The following WDR4 variants were observed in gnomAD, a reference collection of about 807,000 sequenced individuals.
The protein encoded by WDR4 is tRNA (guanine-N(7)-)-methyltransferase non-catalytic subunit WDR4.
In WDR4, 47 loss-of-function variants were observed where a neutral mutation model predicts 48.6. That is an observed-to-expected ratio of 0.97 (90% CI 0.77 to 1.23). The LOEUF (loss-of-function observed/expected upper bound fraction) is 1.23. Ranked by LOEUF, WDR4 falls within the 50% of genes most tolerant of loss-of-function variation. The pLI is 0.00. For synonymous variants in WDR4, 268 were observed against 230.0 expected (o/e 1.17, Z -1.49); for missense variants, 606 against 551.6 (o/e 1.10, Z -0.99).
intron 2 of WDR4, among the ~76,000 whole-genome samples, chr21:42,875,430 C>T (rs1236304959): frequency 6.6e-6 from 1 of 152,156 alleles, no homozygotes; most frequent in South Asian, 2.1e-4. Context: ...TGGTGCGTGC[C>T]TGTAGTCCCA....
upstream of WDR4, chr21:42,879,540 C>G: frequency 1.2e-6 from 2 of 1,605,344 alleles, no homozygotes; most frequent in Non-Finnish European, 1.7e-6. Context: ...AGCCCAGAGC[C>G]TCTTCCTGTC....
intron 3 of WDR4, among the ~76,000 whole-genome samples, chr21:42,865,370 T>C (rs371937861): frequency 9.9e-5 from 15 of 152,052 alleles, no homozygotes; most frequent in African/African-American, 3.4e-4. Flanking sequence ...AACACGACCA[T>C]GGTGGCACAG....
chr21:42,888,704 T>TC, the WDR4 span, among the ~76,000 whole-genome samples: 4 of 151,230 alleles, frequency 2.6e-5, no homozygotes, highest in African/African-American at 9.7e-5. Context: ...TTATAATTTT[T>TC]TTTTTTTTTT....
At chr21:42,878,894 G>A (rs2058562388) in intron 1 of WDR4, 1 of 932,030 alleles carries the variant, frequency 1.1e-6, no homozygotes. Flanking sequence ...CCAGGTGAGT[G>A]GATGCAGGCC....
intron 3 of WDR4, among the ~76,000 whole-genome samples, chr21:42,864,107 C>CAAA (rs776906461): frequency 7.5e-4 from 38 of 50,530 alleles, no homozygotes; most frequent in Middle Eastern, 0.012. Flanking sequence ...GACTCCGTCT[C>CAAA]AAAAAAAAAA....
chr21:42,882,381 G>A (rs753882889), upstream of WDR4, among the ~76,000 whole-genome samples: 19 of 148,156 alleles, frequency 1.3e-4, no homozygotes, highest in East Asian at 8.4e-4. Flanking sequence ...TGGCCAACAC[G>A]GTGAAACCCC....
In WDR4 at chr21:42,852,462, G is replaced by C. The variant is rs561164621; in HGVS notation, c.976-138C>G. 12 of 923,228 alleles carry C rather than the reference G, an allele frequency of 1.3e-5. No homozygotes were observed. The East Asian group carries it at 2.1e-4, about 16-fold the overall frequency. 57.2% of individuals were successfully genotyped at this position (923,228 alleles called of 1,614,324 possible). The stretch of plus-strand genomic sequence containing the variant: ...GCCTGGGGACCCCCATTCACCTTCT[G>C]TGGAGACCTGGGGAGGCAGCCCCCG... On this transcript the variant is annotated intron_variant, in intron 9 of 10. Coordinates refer to ENST00000398208, the MANE Select transcript of WDR4 (RefSeq NM_018669.6).
At chr21:42,863,327 G>A (rs746603584) in intron 4 of WDR4, 113 bp downstream of exon 4, 320 of 1,325,352 alleles carry the variant, frequency 2.4e-4, no homozygotes, top group Admixed American at 6.9e-4. Flanking sequence ...ATGGACAGGT[G>A]CCTGAGCCTT....
At chr21:42,860,082 A>G (rs1290614372) in intron 5 of WDR4, among the ~76,000 whole-genome samples, 1 of 152,030 alleles carries the variant, frequency 6.6e-6, no homozygotes, top group Non-Finnish European at 1.5e-5. Flanking sequence ...CAGGCCCCCC[A>G]GCACCCACCC....
intron 1 of WDR4, among the ~76,000 whole-genome samples, chr21:42,877,425 G>T (rs1032221052): frequency 1.0e-4 from 15 of 149,910 alleles, no homozygotes; most frequent in Non-Finnish European, 1.9e-4. Context: ...ATTATAGGCA[G>T]AGCCACTGCG....
At chr21:42,848,786 C>T (rs1472193683), downstream of WDR4, among the ~76,000 whole-genome samples, 9 of 62,618 alleles carry the variant, frequency 1.4e-4, no homozygotes, top group Non-Finnish European at 2.7e-4. Flanking sequence ...ACACAGCACA[C>T]GATCACGCGG....
Position 42,859,738 on chromosome 21 carries a change from A to G in WDR4, c.567-16T>C, listed in dbSNP as rs7278765. The G allele has an allele frequency of 0.14, 210,933 of 1,553,992 alleles. 15,978 individuals are homozygous for G. Among genetic ancestry groups the G allele is most frequent in the African/African-American group, 0.28 (20,679 of 73,116 alleles). On this transcript the variant is annotated splice_polypyrimidine_tract_variant and intron_variant, in intron 5 of 10. Transcript: ENST00000398208. The stretch of plus-strand genomic sequence containing the variant: ...GCTCACAAACCTGTGAGGGCGAGAG[A>G]GAGCGGCAGAGTCAGCGAGCCCAGC...
At position 42,879,296 on chromosome 21, in the gene WDR4, G is replaced by T. The variant is rs546850508; in HGVS notation, c.89+111C>A. The stretch of plus-strand genomic sequence containing the variant: ...CTCGTGGGCTGGAGCGGAGTTCCCC[G>T]GGGTCACCCCAGAGTGGGTGCGACC... On this transcript the variant is annotated intron_variant, in intron 1 of 10. Coordinates refer to ENST00000398208, the MANE Select transcript of WDR4 (RefSeq NM_018669.6). The T allele has an allele frequency of 3.2e-5, 46 of 1,451,240 alleles. 1 individual carries two copies. In the South Asian group the frequency reaches 6.2e-4, roughly 20 times the overall value. The allele number at this position is 1,451,240 out of a possible 1,614,324, so 89.9% of individuals were successfully genotyped here. A position where few individuals can be genotyped will look rare whatever the true frequency, so the allele number is the denominator to read the frequency against.
intron 10 of WDR4, among the ~76,000 whole-genome samples, chr21:42,851,778 G>A (rs1007166918): frequency 1.3e-5 from 2 of 152,178 alleles, no homozygotes; most frequent in African/African-American, 4.8e-5. Context: ...TTCCTGTCAG[G>A]ACAGTGACCA....
At position 42,850,110 on chromosome 21, in the gene WDR4, G is replaced by C. The variant is rs765182735; in HGVS notation, c.1178C>G (p.Pro393Arg). 13 of 1,614,008 alleles carry C rather than the reference G, an allele frequency of 8.1e-6. No homozygotes were observed. In the East Asian group the frequency reaches 2.9e-4, roughly 36 times the overall value. Residue 393 changes from proline (P) to arginine (R), a missense_variant, in exon 11 of 11, where the codon CCG (proline) becomes CGG (arginine). Physicochemically the swap from Pro to Arg is moderately radical, Grantham distance 103. Coordinates refer to ENST00000398208, the MANE Select transcript of WDR4 (RefSeq NM_018669.6). ...CTTGGCATGCCCGTCGGGCCCAGGC[G>C]GGGGACTCCGGCGCCGCTGCTTCTT... The part of the protein sequence containing the change: ...LEKKQRRRSP[P>R]PGPDGHAKKM...
rs368772522 is a variant in WDR4 at position 42,862,323 on chromosome 21, C to T, written c.525G>A (p.Ala175=). 77 of 1,611,578 alleles carry T rather than the reference C, an allele frequency of 4.8e-5. No homozygotes were observed. The highest frequency in any genetic ancestry group is 6.7e-5 in the Admixed American group (4 of 59,814). Residue 175 remains alanine, a synonymous_variant, in exon 5 of 11, where the codon GCG becomes GCA. Coordinates refer to ENST00000398208, the MANE Select transcript of WDR4 (RefSeq NM_018669.6). The surrounding 1 kb of genome is among the most constrained non-coding windows in gnomAD (Gnocchi z 4.3). ...AGAAGGACTCGATGCTATGGGGCGC[C>T]GCGGCCCAGCTGACTCGGATCTTCT... ...RDEKIRVSWA[A]APHSIESFCL... is the part of the protein sequence containing the mutation.
At chr21:42,876,804 C>A in intron 1 of WDR4, 37 bp from the exon 2 acceptor site, 1 of 1,581,180 alleles carries the variant, frequency 6.3e-7, no homozygotes, top group South Asian at 1.2e-5. Flanking sequence ...AAGGAGTTAT[C>A]ATTAGAGAGA....
the WDR4 span, among the ~76,000 whole-genome samples, chr21:42,885,928 T>C: frequency 6.6e-6 from 1 of 151,696 alleles, no homozygotes; most frequent in East Asian, 1.9e-4. Context: ...AATCCCCAGC[T>C]TCAGGCAATC....
intron 6 of WDR4, among the ~76,000 whole-genome samples, chr21:42,856,854 A>T (rs1435669288): frequency 1.3e-5 from 2 of 152,182 alleles, no homozygotes. Flanking sequence ...ACACACATCT[A>T]CAGGCATTTC....
Sources: gnomAD v4.1 joint callset for allele counts (sites outside exome capture counted in the v4.1 genomes callset) on GRCh38, gnomAD v4.1.1 for gene constraint, Gnocchi (gnomAD v3.1) non-coding constraint, MANE v1.5 for transcripts, NCBI Gene and HGNC (gene_info 2026-07-23, HGNC 2026-07-21) for gene names.